Variants in HS6ST3 observed in about 807,000 individuals in gnomAD.
HS6ST3 encodes the protein heparan-sulfate 6-O-sulfotransferase 3.
HS6ST3 carries 12 observed loss-of-function variants against 36.7 expected under a neutral mutation model. The observed-to-expected ratio is 0.33, with a 90% confidence interval of 0.21 to 0.53. The LOEUF (loss-of-function observed/expected upper bound fraction) is 0.53, where lower values mean the gene tolerates loss of function less well. Ranked by LOEUF, HS6ST3 falls within the 20% of genes least tolerant of loss-of-function variation. The pLI is 0.95. For synonymous variants in HS6ST3, 240 were observed against 257.5 expected (o/e 0.93, Z 0.65); for missense variants, 584 against 640.9 (o/e 0.91, Z 0.96).
intron 1 of HS6ST3, among the ~76,000 whole-genome samples, chr13:96,638,368 T>G (rs2056557082): frequency 6.6e-6 from 1 of 152,076 alleles, no homozygotes; most frequent in African/African-American, 2.4e-5. Context: ...CCTACACATT[T>G]GTTTCTTATT....
intron 1 of HS6ST3, among the ~76,000 whole-genome samples, chr13:96,458,529 A>G (rs2055765298): frequency 6.6e-6 from 1 of 151,970 alleles, no homozygotes; most frequent in South Asian, 2.1e-4. Flanking sequence ...GCTGCATTTC[A>G]TAGTCAAGGT....
intron 1 of HS6ST3, among the ~76,000 whole-genome samples, chr13:96,580,588 C>A (rs2056338500): frequency 6.6e-6 from 1 of 152,030 alleles, no homozygotes; most frequent in African/African-American, 2.4e-5. Flanking sequence ...TAAAAATTTT[C>A]TTTGAAGGTA....
At chr13:96,403,998 T>A (rs1397585128) in intron 1 of HS6ST3, among the ~76,000 whole-genome samples, 1 of 152,198 alleles carries the variant, frequency 6.6e-6, no homozygotes, top group Non-Finnish European at 1.5e-5. Flanking sequence ...GTCTCCATAT[T>A]TTTATTTGTC....
intron 1 of HS6ST3, among the ~76,000 whole-genome samples, chr13:96,647,030 G>C (rs1475582072): frequency 5.3e-5 from 8 of 151,928 alleles, no homozygotes; most frequent in Admixed American, 5.3e-4. Flanking sequence ...CAGACCCACT[G>C]AACATGTGTG....
At chr13:96,827,658 G>A (rs1036402816) in intron 1 of HS6ST3, among the ~76,000 whole-genome samples, 5 of 152,118 alleles carry the variant, frequency 3.3e-5, no homozygotes, top group African/African-American at 7.2e-5. Flanking sequence ...TACCCCCTTG[G>A]CTGATAGAAC....
intron 1 of HS6ST3, among the ~76,000 whole-genome samples, chr13:96,093,872 G>A (rs1424232546): frequency 6.6e-6 from 1 of 152,048 alleles, no homozygotes; most frequent in Non-Finnish European, 1.5e-5. Flanking sequence ...GATAATGGAG[G>A]GTACCTTTTC....
intron 1 of HS6ST3, among the ~76,000 whole-genome samples, chr13:96,703,366 A>G (rs1330542310): frequency 6.6e-6 from 1 of 152,194 alleles, no homozygotes; most frequent in Non-Finnish European, 1.5e-5. Context: ...GCTCATCTGC[A>G]TTTGTTAAGG....
At chr13:96,114,825 C>T (rs1003063967) in intron 1 of HS6ST3, among the ~76,000 whole-genome samples, 1 of 152,216 alleles carries the variant, frequency 6.6e-6, no homozygotes, top group African/African-American at 2.4e-5. Flanking sequence ...ACATTGACTT[C>T]TCATAAATAA....
At chr13:96,590,999 TAGG>T in intron 1 of HS6ST3, among the ~76,000 whole-genome samples, 1 of 152,148 alleles carries the variant, frequency 6.6e-6, no homozygotes, top group Non-Finnish European at 1.5e-5. Context: ...GAGTTTGCTG[TAGG>T]TGTATAAATT....
chr13:96,156,457 G>A (rs1339455485), intron 1 of HS6ST3, among the ~76,000 whole-genome samples: 2 of 152,192 alleles, frequency 1.3e-5, no homozygotes, highest in Admixed American at 1.3e-4. Flanking sequence ...AAAAGCATAT[G>A]TTTAAGAAGA....
At chr13:96,243,897 AG>A (rs1263886553) in intron 1 of HS6ST3, among the ~76,000 whole-genome samples, 1 of 131,066 alleles carries the variant, frequency 7.6e-6, no homozygotes, top group Non-Finnish European at 1.6e-5. Context: ...TTCTTTTTTG[AG>A]GGGGTGGGGT....
chr13:96,774,108 T>A (rs566692288), intron 1 of HS6ST3, among the ~76,000 whole-genome samples: 1 of 152,044 alleles, frequency 6.6e-6, no homozygotes, highest in South Asian at 2.1e-4. Flanking sequence ...GAAGGAAAAC[T>A]AACAAATAGA....
chr13:96,753,190 A>C (rs1876741549), intron 1 of HS6ST3, among the ~76,000 whole-genome samples: 1 of 152,204 alleles, frequency 6.6e-6, no homozygotes, highest in South Asian at 2.1e-4. Flanking sequence ...ACAAACTATT[A>C]ATCTTTTTCA....
intron 1 of HS6ST3, among the ~76,000 whole-genome samples, chr13:96,647,286 C>T (rs1441515161): frequency 6.6e-6 from 1 of 151,956 alleles, no homozygotes; most frequent in Non-Finnish European, 1.5e-5. Flanking sequence ...TATGCTGTAA[C>T]CCAAATCTAA....
At position 96,091,314 on chromosome 13, in the gene HS6ST3, T is replaced by G; in HGVS notation, c.452T>G (p.Leu151Arg). The G allele has an allele frequency of 6.2e-7, 1 of 1,613,866 alleles. No individual in the cohort carries two copies. The highest frequency in any genetic ancestry group is 8.5e-7 in the Non-Finnish European group (1 of 1,179,956). ...AAAGGGCGCGACGTGATCGTGTTCC[T>G]CCACATCCAGAAGACGGGGGGCACC... ...NIKGRDVIVFLHIQKTGGTTF... is the reference protein window; with the variant it reads ...NIKGRDVIVFRHIQKTGGTTF... Residue 151 changes from leucine to arginine, a missense_variant, in exon 1 of 2, where the codon CTC (leucine) becomes CGC (arginine). Coordinates refer to ENST00000376705, the MANE Select transcript of HS6ST3 (RefSeq NM_153456.4).
In HS6ST3 at chr13:96,629,699, A is replaced by G. The variant is rs1217648752; in HGVS notation, c.708-202791A>G. Among the ~76,000 whole-genome samples the G allele has an allele frequency of 2.6e-5, 4 of 152,244 alleles. No individual in the cohort carries two copies. The East Asian group carries it at 7.7e-4, about 29-fold the overall frequency. On this transcript the variant is annotated intron_variant, in intron 1 of 1. Transcript: ENST00000376705. ...AATGTTATGTACTTTCATTATCAAT[A>G]TTTCTAGGTGTGGATTTCTTTTTAT... is the stretch of plus-strand genomic sequence containing the variant.
At chr13:96,724,832 T>G (rs2138471718) in intron 1 of HS6ST3, among the ~76,000 whole-genome samples, 1 of 152,334 alleles carries the variant, frequency 6.6e-6, no homozygotes, top group African/African-American at 2.4e-5. Context: ...CTAAGAACAT[T>G]TCTATCCAAG....
chr13:96,119,473 A>G (rs990943074), intron 1 of HS6ST3, among the ~76,000 whole-genome samples: 10 of 152,168 alleles, frequency 6.6e-5, no homozygotes, highest in East Asian at 1.9e-4. Context: ...ATATTGTTTT[A>G]TTATTAGAGT....
intron 1 of HS6ST3, among the ~76,000 whole-genome samples, chr13:96,344,125 T>C (rs1425753130): frequency 6.6e-6 from 1 of 151,846 alleles, no homozygotes; most frequent in Non-Finnish European, 1.5e-5. Flanking sequence ...GTATATTATA[T>C]AGGTGTGTAT....
Sources: gnomAD v4.1 joint callset for allele counts (sites outside exome capture counted in the v4.1 genomes callset) on GRCh38, gnomAD v4.1.1 for gene constraint, MANE v1.5 for transcripts, NCBI Gene and HGNC (gene_info 2026-07-23, HGNC 2026-07-21) for gene names.